Variants in CACNB2 observed in about 807,000 individuals in gnomAD.
The protein encoded by CACNB2 is voltage-dependent L-type calcium channel subunit beta-2.
CACNB2 carries 42 observed loss-of-function variants against 73.3 expected under a neutral mutation model. The ratio of observed to expected loss-of-function variants is 0.57; its 90% CI spans 0.45 to 0.74. CACNB2 has a LOEUF of 0.74. Among genes scored for constraint, CACNB2 ranks in the 30% least tolerant of loss-of-function variants. The pLI is 0.00. For missense variants in CACNB2, 940 were observed against 853.0 expected (o/e 1.10, Z -1.27); for synonymous variants, 348 against 310.3 (o/e 1.12, Z -1.28).
chr10:18,220,240 GA>G (rs1564354039), intron 2 of CACNB2, among the ~76,000 whole-genome samples: 10 of 72,348 alleles, frequency 1.4e-4, no homozygotes, highest in African/African-American at 7.7e-4. Flanking sequence ...TATAGAGAGA[GA>G]GAGAGAGAGA....
intron 3 of CACNB2, among the ~76,000 whole-genome samples, chr10:18,460,096 A>G (rs12254220): frequency 0.058 from 8,864 of 152,282 alleles, 897 homozygotes; most frequent in African/African-American, 0.2. Flanking sequence ...GTCCATACAT[A>G]TATACACACG....
At chr10:18,309,004 A>T (rs1254313113) in intron 2 of CACNB2, among the ~76,000 whole-genome samples, 1 of 152,170 alleles carries the variant, frequency 6.6e-6, no homozygotes, top group African/African-American at 2.4e-5. Context: ...TTGCCCTTAA[A>T]ATAGAAAAAA....
At chr10:18,165,385 G>C (rs1053755777) in intron 2 of CACNB2, among the ~76,000 whole-genome samples, 4 of 152,202 alleles carry the variant, frequency 2.6e-5, no homozygotes, top group Admixed American at 1.3e-4. Context: ...AGAGAGAAAC[G>C]ATGTCACTGC....
intron 2 of CACNB2, among the ~76,000 whole-genome samples, chr10:18,289,297 G>GTT (rs764040568): frequency 1.6e-4 from 9 of 56,708 alleles, no homozygotes; most frequent in East Asian, 3.2e-4. Context: ...TTTTTGTTTT[G>GTT]TTTTTTTTTT....
intron 2 of CACNB2, among the ~76,000 whole-genome samples, chr10:18,199,330 A>C (rs539221239): frequency 1.1e-4 from 16 of 152,342 alleles, no homozygotes; most frequent in African/African-American, 3.8e-4. Flanking sequence ...ATATTTAATA[A>C]AATGTCATGT....
chr10:18,309,280 CA>C (rs11300164), intron 2 of CACNB2, among the ~76,000 whole-genome samples: 28,298 of 151,902 alleles, frequency 0.19, 2,725 homozygotes, highest in Middle Eastern at 0.24. Context: ...CCAATAGAGT[CA>C]AAAATGTCTC....
intron 2 of CACNB2, among the ~76,000 whole-genome samples, chr10:18,297,877 T>C (rs1256250947): frequency 6.6e-6 from 1 of 152,192 alleles, no homozygotes; most frequent in Non-Finnish European, 1.5e-5. Context: ...TGCTTCCTCC[T>C]GGGTTGGGCA....
At chr10:18,509,533 T>C (rs975105443) in intron 6 of CACNB2, among the ~76,000 whole-genome samples, 7 of 152,150 alleles carry the variant, frequency 4.6e-5, no homozygotes, top group African/African-American at 1.7e-4. Context: ...GGTGCCATGG[T>C]CACGCCTGTA....
At chr10:18,174,862 A>T (rs2033487230) in intron 2 of CACNB2, among the ~76,000 whole-genome samples, 1 of 152,210 alleles carries the variant, frequency 6.6e-6, no homozygotes, top group African/African-American at 2.4e-5. Flanking sequence ...CAACTAAAAA[A>T]AATGTTTAAA....
chr10:18,301,358 G>C (rs2039502920), intron 2 of CACNB2, among the ~76,000 whole-genome samples: 1 of 152,118 alleles, frequency 6.6e-6, no homozygotes, highest in Admixed American at 6.5e-5. Context: ...ACTTTAGGAG[G>C]CTGAGGTGGG....
chr10:18,412,014 C>A (rs1178738803), intron 3 of CACNB2, among the ~76,000 whole-genome samples: 1 of 152,150 alleles, frequency 6.6e-6, no homozygotes, highest in African/African-American at 2.4e-5. Context: ...AGTTGGTGAC[C>A]AGGTGACCTG....
chr10:18,157,455 A>G (rs1174356735), intron 2 of CACNB2, among the ~76,000 whole-genome samples: 1 of 152,234 alleles, frequency 6.6e-6, no homozygotes. Context: ...AACCATACGT[A>G]ATATGCATTA....
chr10:18,184,192 A>C (rs1026013190), intron 2 of CACNB2, among the ~76,000 whole-genome samples: 1 of 152,352 alleles, frequency 6.6e-6, no homozygotes, highest in Non-Finnish European at 1.5e-5. Context: ...ATACTCATTG[A>C]ACTTTGTTGC....
intron 2 of CACNB2, among the ~76,000 whole-genome samples, chr10:18,275,854 AT>A (rs1331305751): frequency 6.6e-6 from 1 of 152,202 alleles, no homozygotes; most frequent in Non-Finnish European, 1.5e-5. Context: ...GAAGCTCAAG[AT>A]TTTAAATTTT....
chr10:18,193,952 G>A (rs1431662290), intron 2 of CACNB2, among the ~76,000 whole-genome samples: 3 of 152,110 alleles, frequency 2.0e-5, no homozygotes, highest in African/African-American at 7.2e-5. Context: ...GAGGTGATAA[G>A]TGCTACAGAA....
chr10:18,534,023 T>C, intron 10 of CACNB2, 53 bp from the exon 11 acceptor site: 1 of 1,584,378 alleles, frequency 6.3e-7, no homozygotes, highest in Non-Finnish European at 8.7e-7. Flanking sequence ...GTATACCATT[T>C]TACTTTATCT....
At chr10:18,440,405 C>G (rs979809590) in intron 3 of CACNB2, among the ~76,000 whole-genome samples, 62 of 152,100 alleles carry the variant, frequency 4.1e-4, no homozygotes, top group Admixed American at 4.1e-3. Flanking sequence ...CGCAGTGGCT[C>G]ACACCAGTAA....
At chr10:18,455,310 C>A (rs943730871) in intron 3 of CACNB2, among the ~76,000 whole-genome samples, 2 of 152,102 alleles carry the variant, frequency 1.3e-5, no homozygotes, top group Admixed American at 1.3e-4. Flanking sequence ...GAAAGTGTTG[C>A]CTAAGACTTT....
chr10:18,304,098 A>G (rs1278687728), intron 2 of CACNB2, among the ~76,000 whole-genome samples: 1 of 152,150 alleles, frequency 6.6e-6, no homozygotes, highest in African/African-American at 2.4e-5. Flanking sequence ...TAGAACTACA[A>G]GCTTGCACCC....
Sources: allele counts gnomAD v4.1 joint callset (sites outside exome capture counted in the v4.1 genomes callset), GRCh38; gene constraint gnomAD v4.1.1; transcripts MANE v1.5; gene names NCBI Gene and HGNC (gene_info 2026-07-23, HGNC 2026-07-21).